OPCML: variants seen among roughly 807,000 people sequenced by gnomAD.
The protein encoded by OPCML is opioid binding protein/cell adhesion molecule like.
A neutral mutation model predicts 37.8 loss-of-function variants in OPCML; 13 were observed. The ratio of observed to expected loss-of-function variants is 0.34; its 90% CI spans 0.22 to 0.55. The LOEUF is 0.55. Ranked by LOEUF, OPCML falls within the 20% of genes least tolerant of loss-of-function variation. The pLI is 0.91. For missense variants in OPCML, 341 were observed against 435.6 expected (o/e 0.78, Z 1.93); for synonymous variants, 176 against 168.8 (o/e 1.04, Z -0.33).
rs1945216204 is a variant in OPCML at position 133,393,362 on chromosome 11, A to G, written c.61+138902T>C. On this transcript the variant is annotated intron_variant, in intron 1 of 7. Transcript: ENST00000524381. ...ACCTAACTGTGTATTTGCCTTAGGAACAATGCTTCAGTGTTCACTAACTTG... is the reference window on the plus strand; with the variant it reads ...ACCTAACTGTGTATTTGCCTTAGGAGCAATGCTTCAGTGTTCACTAACTTG... 2.0e-5 allele frequency among the ~76,000 whole-genome samples: 3 copies of G among 152,210 alleles called. No individual in the cohort carries two copies. The South Asian group carries it at 6.2e-4, about 32-fold the overall frequency.
intron 1 of OPCML, among the ~76,000 whole-genome samples, chr11:133,355,901 C>A (rs1338619642): frequency 6.6e-6 from 1 of 152,144 alleles, no homozygotes; most frequent in Non-Finnish European, 1.5e-5. Flanking sequence ...AACCATGTTC[C>A]TAACAGCCGT....
rs1264275931 is a variant in OPCML at position 132,832,815 on chromosome 11, G to C, written c.146+110111C>G. On this transcript the variant is annotated intron_variant, in intron 2 of 7. Coordinates refer to ENST00000524381, the MANE Select transcript of OPCML (RefSeq NM_001012393.5). ...CCTGTCACTCCTAGGCTACAAGCCT[G>C]TACGGCACGTAACTGAATATTACAG... Among the ~76,000 whole-genome samples the C allele has an allele frequency of 2.0e-5, 3 of 152,238 alleles. No homozygotes were observed. The South Asian group carries it at 6.2e-4, about 31-fold the overall frequency.
chr11:133,027,562 G>T (rs1565405165), intron 1 of OPCML, among the ~76,000 whole-genome samples: 1 of 146,498 alleles, frequency 6.8e-6, no homozygotes, highest in Non-Finnish European at 1.5e-5. Flanking sequence ...TAGTGGGTAT[G>T]TTACGTGTGT....
chr11:132,626,417 T>C (rs900180780), intron 3 of OPCML, among the ~76,000 whole-genome samples: 5 of 151,860 alleles, frequency 3.3e-5, no homozygotes, highest in Non-Finnish European at 7.4e-5. Context: ...GAGGAATAAA[T>C]GCAAAGATAG....
At position 133,212,940 on chromosome 11, in the gene OPCML, G is replaced by T. The variant is rs1939426927; in HGVS notation, c.62-269930C>A. On this transcript the variant is annotated intron_variant, in intron 1 of 7. Transcript: ENST00000524381. The surrounding 1 kb of genome is among the most constrained non-coding windows in gnomAD (Gnocchi z 4.9). The stretch of plus-strand genomic sequence containing the variant: ...TTTTATGTCTGGTGGTACCTCAAAA[G>T]CTCCAAACAATTATGTTGATGATAC... 6.6e-6 allele frequency among the ~76,000 whole-genome samples: 1 copy of T among 152,104 alleles called. No homozygotes were observed. Among genetic ancestry groups the T allele is most frequent in the Non-Finnish European group, 1.5e-5 (1 of 68,030 alleles).
chr11:132,533,341 G>A (rs973873713), intron 3 of OPCML, among the ~76,000 whole-genome samples: 6 of 152,092 alleles, frequency 3.9e-5, no homozygotes, highest in Non-Finnish European at 8.8e-5. Context: ...TAATAGCTAG[G>A]CAGAAGAAAG....
Position 133,318,715 on chromosome 11 carries a change from G to C in OPCML, c.61+213549C>G, listed in dbSNP as rs190810397. Among the ~76,000 whole-genome samples the C allele has an allele frequency of 3.9e-5, 6 of 152,214 alleles. No homozygotes were observed. In the East Asian group the frequency reaches 9.7e-4, roughly 25 times the overall value. On this transcript the variant is annotated intron_variant, in intron 1 of 7. Coordinates refer to ENST00000524381, the MANE Select transcript of OPCML (RefSeq NM_001012393.5). ...AGTGCAGTAATGAGCACGCTACAGC[G>C]GTTACTGGCTCCATTCTCTATGCCT...
At chr11:132,739,270 C>T (rs1437716843) in intron 2 of OPCML, among the ~76,000 whole-genome samples, 1 of 152,134 alleles carries the variant, frequency 6.6e-6, no homozygotes, top group Non-Finnish European at 1.5e-5. Flanking sequence ...TCCCAAGCAC[C>T]CTTTTGTCCC....
chr11:132,694,928 A>C (rs1051532776), intron 2 of OPCML, among the ~76,000 whole-genome samples: 1 of 152,186 alleles, frequency 6.6e-6, no homozygotes, highest in Non-Finnish European at 1.5e-5. Flanking sequence ...TATGATAGAG[A>C]GAAAGGAAAG....
At chr11:132,706,631 C>T (rs182910165) in intron 2 of OPCML, among the ~76,000 whole-genome samples, 63 of 152,174 alleles carry the variant, frequency 4.1e-4, no homozygotes, top group East Asian at 9.7e-4. Flanking sequence ...TTCCATTATG[C>T]GAGCCTCTCC....
intron 3 of OPCML, among the ~76,000 whole-genome samples, chr11:132,596,037 T>G (rs1329696660): frequency 6.6e-6 from 1 of 152,146 alleles, no homozygotes; most frequent in Non-Finnish European, 1.5e-5. Flanking sequence ...CTGGATACTG[T>G]CCAGACTCCA....
At chr11:133,420,470 T>G (rs1289001113) in intron 1 of OPCML, 8 of 985,112 alleles carry the variant, frequency 8.1e-6, no homozygotes, top group Non-Finnish European at 9.6e-6. Flanking sequence ...CTCGTATGCT[T>G]CTTCTTCTTT....
chr11:133,248,221 C>G (rs1941013812), intron 1 of OPCML, among the ~76,000 whole-genome samples: 1 of 152,092 alleles, frequency 6.6e-6, no homozygotes, highest in South Asian at 2.1e-4. Flanking sequence ...TTTGAGCATG[C>G]CCCTTTTTTC....
In OPCML at chr11:132,715,954, G is replaced by A. The variant is rs114444601; in HGVS notation, c.147-58635C>T. ...GAAGGCATGTTTTAAATGACAGGTCGATCTGACTTTCCAAACAAATTTATG... is the reference window on the plus strand; with the variant it reads ...GAAGGCATGTTTTAAATGACAGGTCAATCTGACTTTCCAAACAAATTTATG... On this transcript the variant is annotated intron_variant, in intron 2 of 7. Transcript: ENST00000524381. Among the ~76,000 whole-genome samples the A allele has an allele frequency of 9.5e-3, 1,444 of 152,252 alleles. 25 individuals carry two copies. The highest frequency in any genetic ancestry group is 0.033 in the African/African-American group (1,384 of 41,530).
intron 2 of OPCML, among the ~76,000 whole-genome samples, chr11:132,732,684 G>T (rs1393441652): frequency 6.6e-6 from 1 of 152,174 alleles, no homozygotes; most frequent in Non-Finnish European, 1.5e-5. Flanking sequence ...AGACCTGAAA[G>T]AAAGGCCCCA....
intron 1 of OPCML, among the ~76,000 whole-genome samples, chr11:133,321,534 T>A (rs1416568267): frequency 6.6e-6 from 1 of 152,054 alleles, no homozygotes; most frequent in East Asian, 1.9e-4. Context: ...CACAGGTGGG[T>A]GGGATTTCGC....
rs1250264739 is a variant in OPCML at position 133,078,467 on chromosome 11, G to A, written c.62-135457C>T. On this transcript the variant is annotated intron_variant, in intron 1 of 7. Transcript: ENST00000524381. ...AGCAATGGAGTGAGCAGGTCCTTGTGTAAACCGGTGACAAAGAAAGGAATA... is the reference window on the plus strand; with the variant it reads ...AGCAATGGAGTGAGCAGGTCCTTGTATAAACCGGTGACAAAGAAAGGAATA... Among the ~76,000 whole-genome samples, 4 of 152,224 alleles carry A rather than the reference G, an allele frequency of 2.6e-5. No individual in the cohort carries two copies. The East Asian group carries it at 5.8e-4, about 22-fold the overall frequency.
At chr11:132,865,220 C>G (rs1295060684) in intron 2 of OPCML, among the ~76,000 whole-genome samples, 1 of 152,174 alleles carries the variant, frequency 6.6e-6, no homozygotes, top group Non-Finnish European at 1.5e-5. Context: ...ATACATCTTA[C>G]AAACTGAATT....
At chr11:133,119,496 G>A (rs766461537) in intron 1 of OPCML, among the ~76,000 whole-genome samples, 1 of 151,920 alleles carries the variant, frequency 6.6e-6, no homozygotes, top group Non-Finnish European at 1.5e-5. Flanking sequence ...GTTACCAAGC[G>A]CTTCTTGGTA....
Sources: gnomAD v4.1 joint callset for allele counts (sites outside exome capture counted in the v4.1 genomes callset) on GRCh38, gnomAD v4.1.1 for gene constraint, Gnocchi (gnomAD v3.1) non-coding constraint, MANE v1.5 for transcripts, NCBI Gene and HGNC (gene_info 2026-07-23, HGNC 2026-07-21) for gene names.